Variants in SLC27A5 observed in about 807,000 individuals in gnomAD.
SLC27A5 encodes the protein long-chain fatty acid transport protein 5.
In SLC27A5, 47 loss-of-function variants were observed where a neutral mutation model predicts 63.1. That is an observed-to-expected ratio of 0.74 (90% confidence interval 0.59 to 0.95). The LOEUF is 0.95. Among genes scored for constraint, SLC27A5 ranks in the 40% least tolerant of loss-of-function variants. The probability of loss-of-function intolerance (pLI) is 0.00; values close to 1 mark genes in which losing one functional copy is unlikely to be tolerated. For synonymous variants in SLC27A5, 391 were observed against 403.8 expected (o/e 0.97, Z 0.38); for missense variants, 940 against 921.0 (o/e 1.02, Z -0.27).
intron 6 of SLC27A5, 52 bp downstream of exon 6, chr19:58,500,287 G>A: frequency 1.4e-6 from 2 of 1,462,552 alleles, no homozygotes; most frequent in Non-Finnish European, 1.9e-6. Context: ...CCAAGCAGAA[G>A]ACTGAGGGTC....
chr19:58,510,881 G>A lies in SLC27A5; in HGVS notation c.738C>T (p.Asn246=). ...TATGGCTGAGGTAGAAGCAGCGGAT[G>A]TTCTCAGCCTGCAGCTTGGGAAGGA... ...EEILPKLQAE[N]IRCFYLSHTS... The change falls in exon 2 of 10, where the codon AAC becomes AAT. Residue 246 remains asparagine (N), a synonymous_variant. Transcript: ENST00000263093. 2.5e-6 allele frequency: 4 copies of A among 1,612,548 alleles called. No homozygotes were observed. The highest frequency in any genetic ancestry group is 3.4e-6 in the Non-Finnish European group (4 of 1,179,306).
intron 8 of SLC27A5, 78 bp downstream of exon 8, chr19:58,499,045 T>C (rs1382016136): frequency 3.1e-6 from 5 of 1,603,258 alleles, no homozygotes; most frequent in East Asian, 4.5e-5. Flanking sequence ...GCCCTAGCAC[T>C]TCCCCACCTG....
At position 58,501,017 on chromosome 19, in the gene SLC27A5, TTTAA is replaced by T. The variant is rs59564087; in HGVS notation, c.1182+265_1182+268del. 0.76 allele frequency: 898,497 copies of T among 1,181,146 alleles called. 345,690 individuals carry two copies. The highest frequency in any genetic ancestry group is 0.85 in the East Asian group (24,529 of 28,950). The allele number at this position is 1,181,146 out of a possible 1,614,324, so 73.2% of individuals were successfully genotyped here. On this transcript the variant is annotated intron_variant, in intron 4 of 9. Transcript: ENST00000263093. ...AACTTTAATTTAATGGAAATTTAAT[TTTAA>T]TTAATTAATTTTTAATGGAAATTCT...
In SLC27A5 at chr19:58,502,260, G is replaced by A. The variant is rs564145984; in HGVS notation, c.1058-850C>T. On this transcript the variant is annotated intron_variant, in intron 3 of 9. Transcript: ENST00000263093. ...AGTGAGTAGATGGATGGGTGACAGA[G>A]TAGTGAGTGAGTAGATGGATGGGTG... is the stretch of plus-strand genomic sequence containing the variant. Among the ~76,000 whole-genome samples, 3 of 150,008 alleles carry A rather than the reference G, an allele frequency of 2.0e-5. No homozygotes were observed. The Admixed American group carries it at 2.0e-4, about 10-fold the overall frequency.
chr19:58,500,734 G>A, intron 4 of SLC27A5, 28 bp from the exon 5 acceptor site: 1 of 1,601,518 alleles, frequency 6.2e-7, no homozygotes, highest in Non-Finnish European at 8.5e-7. Flanking sequence ...GAAGGGTGAG[G>A]AGGAGGTGCT....
In SLC27A5 at chr19:58,499,568, A is replaced by T; in HGVS notation, c.1591T>A (p.Tyr531Asn). The T allele has an allele frequency of 6.2e-7, 1 of 1,612,958 alleles. No individual in the cohort carries two copies. The highest frequency in any genetic ancestry group is 8.5e-7 in the Non-Finnish European group (1 of 1,179,978). ...RNVRQSGDVY[Y>N]NTGDVLAMDR... ...ATGGCCAGTACGTCCCCGGTGTTGT[A>T]GTAAACGTCGCCCGATTGCCGCACG... The change falls in exon 7 of 10, where the codon TAC becomes AAC. Residue 531 changes from tyrosine (Y) to asparagine (N), a missense_variant. Physicochemically the swap from Tyr to Asn is moderately radical, Grantham distance 143. Coordinates refer to ENST00000263093, the MANE Select transcript of SLC27A5 (RefSeq NM_012254.3).
intron 3 of SLC27A5, chr19:58,507,763 G>C (rs554389993): frequency 6.6e-6 from 1 of 152,104 alleles, no homozygotes; most frequent in East Asian, 1.9e-4. Flanking sequence ...TTCCTGGGGG[G>C]AGGTCTATAA....
intron 3 of SLC27A5, chr19:58,507,844 T>C (rs1205185135): frequency 6.6e-6 from 1 of 152,290 alleles, no homozygotes; most frequent in East Asian, 1.9e-4. Flanking sequence ...TCTCCTGCAG[T>C]ACCCTCAGGC....
intron 3 of SLC27A5, among the ~76,000 whole-genome samples, chr19:58,501,614 G>A (rs777966432): frequency 3.4e-4 from 51 of 152,104 alleles, no homozygotes; most frequent in Non-Finnish European, 8.8e-5. Flanking sequence ...CCAGGATGCC[G>A]GGAAAGCTCC....
chr19:58,510,682 A>T, intron 2 of SLC27A5, 39 bp downstream of exon 2: 1 of 1,521,120 alleles, frequency 6.6e-7, no homozygotes, highest in Non-Finnish European at 8.9e-7. Context: ...TCAGCCTGAG[A>T]GTTCAGAGGC....
At chr19:58,504,804 G>C (rs1175514995) in intron 3 of SLC27A5, among the ~76,000 whole-genome samples, 1 of 152,098 alleles carries the variant, frequency 6.6e-6, no homozygotes, top group Non-Finnish European at 1.5e-5. Flanking sequence ...AGGAGATTGA[G>C]ACCATCCTGG....
intron 2 of SLC27A5, chr19:58,510,267 A>G (rs867393160): frequency 2.3e-6 from 1 of 437,582 alleles, no homozygotes; most frequent in Non-Finnish European, 4.1e-6. Context: ...TGGGGGTCAG[A>G]GTTCAGGCCA....
chr19:58,501,115 T>C, intron 4 of SLC27A5, 171 bp downstream of exon 4: 2 of 1,214,604 alleles, frequency 1.6e-6, no homozygotes, highest in Non-Finnish European at 2.2e-6. Context: ...GTAGCACAGC[T>C]ATCAAAGAAA....
intron 3 of SLC27A5, among the ~76,000 whole-genome samples, chr19:58,503,983 T>G (rs897238858): frequency 6.6e-6 from 1 of 151,662 alleles, no homozygotes; most frequent in Middle Eastern, 3.4e-3. Context: ...GGCATGGTGG[T>G]CCACACCTGT....
chr19:58,500,739 G>A, intron 4 of SLC27A5, 33 bp from the exon 5 acceptor site: 1 of 1,599,336 alleles, frequency 6.3e-7, no homozygotes. Flanking sequence ...GTGAGGAGGA[G>A]GTGCTCTTGG....
Position 58,500,544 on chromosome 19 carries a change from C to T in SLC27A5, c.1345G>A (p.Gly449Arg), listed in dbSNP as rs372223695. The change falls in exon 5 of 10, where the codon GGG becomes AGG. Residue 449 changes from glycine to arginine, a missense_variant. Gly to Arg is a moderately radical substitution (Grantham distance 125). Coordinates refer to ENST00000263093, the MANE Select transcript of SLC27A5 (RefSeq NM_012254.3). ...MGLVNYVGRC[G>R]ALGKMSCLLR... ...AGGCAGCTCATCTTGCCCAGGGCCC[C>T]GCAGCGCCCCACATAGTTGACTAAG... 3.7e-5 allele frequency: 60 copies of T among 1,613,906 alleles called. No individual in the cohort carries two copies. The highest frequency in any genetic ancestry group is 1.3e-4 in the Admixed American group (8 of 59,978).
At chr19:58,509,784 C>T in intron 3 of SLC27A5, 63 bp downstream of exon 3, 1 of 1,477,130 alleles carries the variant, frequency 6.8e-7, no homozygotes, top group Non-Finnish European at 9.1e-7. Context: ...GCCTTGACAG[C>T]CCCACGCCGA....
In SLC27A5 at chr19:58,510,905, G is replaced by C. The variant is rs748863542; in HGVS notation, c.714C>G (p.Ile238Met). Residue 238 changes from isoleucine to methionine, a missense_variant, in exon 2 of 10, where the codon ATC (isoleucine) becomes ATG (methionine). Physicochemically the swap from Ile to Met is conservative, Grantham distance 10. Transcript: ENST00000263093. Reference sequence around the variant, plus strand: ...TGTTCTCAGCCTGCAGCTTGGGAAGGATCTCCTCCAGGCTCTCCCGGAGGT... The same window carrying C: ...TGTTCTCAGCCTGCAGCTTGGGAAGCATCTCCTCCAGGCTCTCCCGGAGGT... ...DPDLRESLEE[I>M]LPKLQAENIR... The C allele has an allele frequency of 1.9e-6, 3 of 1,610,400 alleles. No individual in the cohort carries two copies. The highest frequency in any genetic ancestry group is 2.5e-6 in the Non-Finnish European group (3 of 1,178,100).
intron 3 of SLC27A5, 89 bp from the exon 4 acceptor site, chr19:58,501,499 C>T (rs2053273922): frequency 7.0e-7 from 1 of 1,429,688 alleles, no homozygotes; most frequent in African/African-American, 1.4e-5. Context: ...CCCACCCCCA[C>T]ACCCTGAAAT....
Sources: allele counts gnomAD v4.1 joint callset (sites outside exome capture counted in the v4.1 genomes callset), GRCh38; gene constraint gnomAD v4.1.1; transcripts MANE v1.5; gene names NCBI Gene and HGNC (gene_info 2026-07-23, HGNC 2026-07-21).